The following LIPJ variants were observed in gnomAD, a reference collection of about 807,000 sequenced individuals.
LIPJ encodes lipase member J.
LIPJ carries 33 observed loss-of-function variants against 39.8 expected under a neutral mutation model. The observed-to-expected ratio is 0.83, with a 90% CI of 0.63 to 1.11. LIPJ has a LOEUF of 1.11. Ranked by LOEUF, LIPJ falls within the 50% of genes least tolerant of loss-of-function variation. The probability of loss-of-function intolerance (pLI) is 0.00; values close to 1 mark genes in which losing one functional copy is unlikely to be tolerated. For missense variants in LIPJ, 422 were observed against 427.9 expected, an observed-to-expected ratio of 0.99 and a Z score of 0.12; for synonymous variants, 128 against 139.2, an observed-to-expected ratio of 0.92 and a Z score of 0.57.
chr10:88,583,491 G>A, upstream of LIPJ: 2 of 1,253,060 alleles, frequency 1.6e-6, no homozygotes, highest in Non-Finnish European at 2.0e-6. Context: ...AATGGTGTGG[G>A]CTATTGTTGG....
At chr10:88,591,539 C>A in intron 4 of LIPJ, 41 bp downstream of exon 4, 2 of 1,549,226 alleles carry the variant, frequency 1.3e-6, no homozygotes, top group Non-Finnish European at 8.7e-7. Context: ...AATCTGGGGC[C>A]TGAAGTTCTT....
At chr10:88,601,511 A>G (rs1386702485) in intron 8 of LIPJ, among the ~76,000 whole-genome samples, 1 of 151,966 alleles carries the variant, frequency 6.6e-6, no homozygotes, top group African/African-American at 2.4e-5. Flanking sequence ...ACACAGACCG[A>G]TTTCTGTTTC....
chr10:88,600,263 A>T (rs1443513241), intron 8 of LIPJ, among the ~76,000 whole-genome samples: 1 of 152,124 alleles, frequency 6.6e-6, no homozygotes, highest in Non-Finnish European at 1.5e-5. Context: ...CTTTCAAAAT[A>T]TTGGACCACT....
At chr10:88,604,278 G>A (rs1190492283) in intron 9 of LIPJ, among the ~76,000 whole-genome samples, 1 of 152,164 alleles carries the variant, frequency 6.6e-6, no homozygotes, top group Middle Eastern at 3.2e-3. Flanking sequence ...GTAAGACAGG[G>A]ATCTGCATGT....
upstream of LIPJ, chr10:88,583,030 C>A: frequency 1.3e-6 from 2 of 1,595,092 alleles, no homozygotes; most frequent in Non-Finnish European, 1.7e-6. Flanking sequence ...GCAGCCTGCC[C>A]GGCAGTCCTC....
Position 88,596,429 on chromosome 10 carries a change from T to A in LIPJ, c.576+13T>A. The A allele has an allele frequency of 6.7e-7, 1 of 1,485,932 alleles. No individual in the cohort carries two copies. The highest frequency in any genetic ancestry group is 1.4e-5 in the South Asian group (1 of 69,256). The allele number at this position is 1,485,932 out of a possible 1,614,324, so 92.0% of individuals were successfully genotyped here. A position where few individuals can be genotyped will look rare whatever the true frequency, so the allele number is the denominator to read the frequency against. On this transcript the variant is annotated intron_variant, in intron 7 of 10. Transcript: ENST00000371939. ...GTCAATAGTCATGGTATGTTCTACC[T>A]TTATTTTATGTCATTGATAACCCAA... is the stretch of plus-strand genomic sequence containing the variant.
At chr10:88,583,526 G>A (rs191225385), upstream of LIPJ, 1,986 of 1,159,146 alleles carry the variant, frequency 1.7e-3, 2 homozygotes, top group Non-Finnish European at 2.0e-3. Context: ...CAACAGAGCT[G>A]ACGTTGACCA....
downstream of LIPJ, among the ~76,000 whole-genome samples, chr10:88,609,940 G>T (rs1851730846): frequency 6.6e-6 from 1 of 150,814 alleles, no homozygotes. Context: ...GAAGTGAGAG[G>T]GTGCTGTATG....
the LIPJ span, among the ~76,000 whole-genome samples, chr10:88,617,084 A>T: frequency 2.1e-4 from 32 of 152,300 alleles, no homozygotes; most frequent in African/African-American, 7.0e-4. Flanking sequence ...AGCTAAATTA[A>T]AAACAAAACA....
At chr10:88,620,339 C>G in the LIPJ span, among the ~76,000 whole-genome samples, 1 of 152,040 alleles carries the variant, frequency 6.6e-6, no homozygotes, top group Non-Finnish European at 1.5e-5. Context: ...AGTTAATGAT[C>G]CTGTACCAAT....
At chr10:88,619,657 C>T in the LIPJ span, among the ~76,000 whole-genome samples, 2 of 151,866 alleles carry the variant, frequency 1.3e-5, no homozygotes, top group Non-Finnish European at 2.9e-5. Context: ...AAAACCTTTC[C>T]TCTTGAATTC....
chr10:88,602,852 G>A (rs557009513), intron 9 of LIPJ, among the ~76,000 whole-genome samples: 1 of 152,328 alleles, frequency 6.6e-6, no homozygotes, highest in South Asian at 2.1e-4. Context: ...AGCACTTTGG[G>A]AGGCCGAGGC....
At chr10:88,606,841 G>C in exon 11 of LIPJ, 1 of 1,608,146 alleles carries the variant, frequency 6.2e-7, no homozygotes, top group South Asian at 1.1e-5. Context: ...TAGACTCTTT[G>C]TTTGGATTAG....
intron 9 of LIPJ, among the ~76,000 whole-genome samples, chr10:88,604,291 T>G (rs1182222074): frequency 1.3e-5 from 2 of 152,160 alleles, no homozygotes; most frequent in African/African-American, 4.8e-5. Flanking sequence ...CTGCATGTCA[T>G]TGTAAGGACT....
At chr10:88,605,517 G>GTA (rs2134585659) in intron 9 of LIPJ, 116 bp from the exon 10 acceptor site, 1 of 718,092 alleles carries the variant, frequency 1.4e-6, no homozygotes, top group East Asian at 2.7e-5. Flanking sequence ...AAGCCCACCT[G>GTA]CATAAATACC....
the LIPJ span, among the ~76,000 whole-genome samples, chr10:88,615,208 C>A: frequency 6.6e-6 from 1 of 152,142 alleles, no homozygotes; most frequent in South Asian, 2.1e-4. Flanking sequence ...TTGTAATATA[C>A]AAAGAATTTC....
chr10:88,612,218 G>C, the LIPJ span, among the ~76,000 whole-genome samples: 1 of 152,164 alleles, frequency 6.6e-6, no homozygotes, highest in African/African-American at 2.4e-5. Flanking sequence ...AATGCTGAGA[G>C]AATCTGTCAC....
intron 9 of LIPJ, among the ~76,000 whole-genome samples, chr10:88,604,945 G>T (rs993101899): frequency 6.6e-6 from 1 of 152,120 alleles, no homozygotes; most frequent in African/African-American, 2.4e-5. Context: ...GATCTGAAAA[G>T]ATTAACAGGT....
chr10:88,613,879 GT>G, the LIPJ span, among the ~76,000 whole-genome samples: 1 of 141,276 alleles, frequency 7.1e-6, no homozygotes, highest in African/African-American at 2.6e-5. Flanking sequence ...TCTTATATAT[GT>G]TACATATATA....
Sources: allele counts gnomAD v4.1 joint callset (sites outside exome capture counted in the v4.1 genomes callset), GRCh38; gene constraint gnomAD v4.1.1; transcripts MANE v1.5; gene names NCBI Gene and HGNC (gene_info 2026-07-23, HGNC 2026-07-21).